The following SLC24A2 variants were observed in gnomAD, a reference collection of about 807,000 sequenced individuals.
SLC24A2 encodes the protein solute carrier family 24 member 2.
A neutral mutation model predicts 62.0 loss-of-function variants in SLC24A2; 36 were observed. The ratio of observed to expected loss-of-function variants is 0.58; its 90% confidence interval spans 0.44 to 0.77. The LOEUF is 0.77. Ranked by LOEUF, SLC24A2 falls within the 30% of genes least tolerant of loss-of-function variation. The pLI is 0.00. For missense variants in SLC24A2, 846 were observed against 817.9 expected (o/e 1.03, Z -0.42); for synonymous variants, 358 against 294.0 (o/e 1.22, Z -2.23).
the SLC24A2 span, among the ~76,000 whole-genome samples, chr9:19,880,746 A>G: frequency 1.4e-4 from 21 of 152,208 alleles, no homozygotes; most frequent in African/African-American, 5.1e-4. Context: ...GAAGGAGGCT[A>G]TAGGAGGAAG....
the SLC24A2 span, among the ~76,000 whole-genome samples, chr9:20,196,975 C>T: frequency 6.6e-6 from 1 of 152,174 alleles, no homozygotes; most frequent in South Asian, 2.1e-4. Flanking sequence ...GCATAATTTT[C>T]ATTTTTAATG....
chr9:19,538,760 A>C (rs1361732222), intron 8 of SLC24A2, among the ~76,000 whole-genome samples: 3 of 130,320 alleles, frequency 2.3e-5, no homozygotes, highest in East Asian at 4.8e-4. Flanking sequence ...TATTGATTGG[A>C]ATAGTTTCAG....
the SLC24A2 span, among the ~76,000 whole-genome samples, chr9:19,934,591 A>G: frequency 6.6e-6 from 1 of 152,198 alleles, no homozygotes; most frequent in Non-Finnish European, 1.5e-5. This position sits in a 1 kb window ranked among gnomAD's most constrained non-coding sequence, Gnocchi z 4.1. Context: ...CAGCGTGCAC[A>G]GCAGAGGCCA....
chr9:19,825,210 A>C, the SLC24A2 span, among the ~76,000 whole-genome samples: 10 of 152,172 alleles, frequency 6.6e-5, no homozygotes, highest in Non-Finnish European at 2.9e-5. Context: ...ACATCAATTC[A>C]TTTCTATTAT....
At chr9:19,533,515 C>G (rs1056103484) in intron 8 of SLC24A2, among the ~76,000 whole-genome samples, 71 of 152,344 alleles carry the variant, frequency 4.7e-4, no homozygotes, top group African/African-American at 1.7e-3. Context: ...AACTAGATCT[C>G]AAGAGGGCTT....
At chr9:20,230,355 G>T in the SLC24A2 span, among the ~76,000 whole-genome samples, 1 of 152,286 alleles carries the variant, frequency 6.6e-6, no homozygotes, top group East Asian at 1.9e-4. Flanking sequence ...CACCAACAGT[G>T]TAAAAGTGTT....
At chr9:19,953,548 G>T in the SLC24A2 span, among the ~76,000 whole-genome samples, 8 of 151,848 alleles carry the variant, frequency 5.3e-5, no homozygotes, top group African/African-American at 1.9e-4. Flanking sequence ...TTATGTTCAT[G>T]GAAAACCTAG....
intron 2 of SLC24A2, among the ~76,000 whole-genome samples, chr9:19,687,192 CTGGG>C (rs1240309734): frequency 6.6e-6 from 1 of 152,060 alleles, no homozygotes; most frequent in Non-Finnish European, 1.5e-5. Flanking sequence ...TGCTTATTAC[CTGGG>C]TGACAACATA....
At chr9:19,860,184 A>AC in the SLC24A2 span, among the ~76,000 whole-genome samples, 5 of 151,972 alleles carry the variant, frequency 3.3e-5, no homozygotes, top group South Asian at 6.2e-4. Flanking sequence ...TCAAAAAGAG[A>AC]CCCCTTCCTT....
chr9:19,829,690 C>T, the SLC24A2 span, among the ~76,000 whole-genome samples: 4 of 150,978 alleles, frequency 2.6e-5, no homozygotes, highest in South Asian at 2.1e-4. Flanking sequence ...ATGTTTGTAC[C>T]ACTGTTCCAG....
chr9:19,916,991 T>TTTTG, the SLC24A2 span, among the ~76,000 whole-genome samples: 1 of 147,804 alleles, frequency 6.8e-6, no homozygotes, highest in African/African-American at 2.5e-5. Context: ...GTTTTTTTTT[T>TTTTG]TTTTTTTTTT....
chr9:19,817,352 A>T, the SLC24A2 span, among the ~76,000 whole-genome samples: 1 of 152,038 alleles, frequency 6.6e-6, no homozygotes, highest in South Asian at 2.1e-4. Context: ...AAAAGATAGT[A>T]TAACATCAGA....
intron 2 of SLC24A2, among the ~76,000 whole-genome samples, chr9:19,646,563 G>C (rs1818642962): frequency 6.6e-6 from 1 of 152,124 alleles, no homozygotes; most frequent in East Asian, 1.9e-4. Flanking sequence ...GCCTCAAATT[G>C]GGTGGGAATA....
the SLC24A2 span, among the ~76,000 whole-genome samples, chr9:20,259,490 T>C: frequency 1.3e-5 from 2 of 152,144 alleles, no homozygotes; most frequent in Non-Finnish European, 2.9e-5. Flanking sequence ...CGCCCTACCC[T>C]GCCCAGCCAA....
intron 2 of SLC24A2, among the ~76,000 whole-genome samples, chr9:19,766,846 C>T (rs1186672227): frequency 6.6e-6 from 1 of 152,220 alleles, no homozygotes. Flanking sequence ...CTGCTCTCTT[C>T]AGAGCCGGCA....
At chr9:19,789,446 C>G (rs1349765300), upstream of SLC24A2, among the ~76,000 whole-genome samples, 1 of 152,184 alleles carries the variant, frequency 6.6e-6, no homozygotes, top group African/African-American at 2.4e-5. Flanking sequence ...TGAAAAGGCA[C>G]GGAGGCCTGC....
chr9:19,706,379 C>CT lies in SLC24A2; in HGVS notation c.930+79557dup, dbSNP rs34321235. On this transcript the variant is annotated intron_variant, in intron 2 of 10. Transcript: ENST00000341998. ...CACAGCACACTGATGGGTCTTGAAT[C>CT]TTTTTTTTTTTTTTTTTTGAGACGG... is the stretch of plus-strand genomic sequence containing the variant. 4.8e-3 allele frequency among the ~76,000 whole-genome samples: 629 copies of CT among 131,920 alleles called. 41 individuals are homozygous for CT. Among genetic ancestry groups the CT allele is most frequent in the East Asian group, 0.024 (109 of 4,568 alleles). The allele number at this position is 131,920 out of a possible 152,430, so 86.5% of individuals were successfully genotyped here.
the SLC24A2 span, among the ~76,000 whole-genome samples, chr9:20,159,933 T>C: frequency 2.3e-3 from 355 of 151,580 alleles, 4 homozygotes; most frequent in African/African-American, 7.9e-3. Flanking sequence ...AATATGACAA[T>C]TGATACAGAA....
the SLC24A2 span, among the ~76,000 whole-genome samples, chr9:19,879,067 T>C: frequency 6.6e-6 from 1 of 152,210 alleles, no homozygotes; most frequent in African/African-American, 2.4e-5. Flanking sequence ...ACATTCTGTC[T>C]CAGTCTGCTA....
Sources: allele counts gnomAD v4.1 joint callset (sites outside exome capture counted in the v4.1 genomes callset), GRCh38; gene constraint gnomAD v4.1.1; non-coding constraint Gnocchi (gnomAD v3.1); transcripts MANE v1.5; gene names NCBI Gene and HGNC (gene_info 2026-07-23, HGNC 2026-07-21).